The following RPAP3 variants were observed in gnomAD, a reference collection of about 807,000 sequenced individuals.
The protein encoded by RPAP3 is RNA polymerase II-associated protein 3.
In RPAP3, 58 loss-of-function variants were observed where a neutral mutation model predicts 88.8. The ratio of observed to expected loss-of-function variants is 0.65; its 90% CI spans 0.53 to 0.81. The LOEUF (loss-of-function observed/expected upper bound fraction) is 0.81. RPAP3 is among the 40% of genes least tolerant of loss of function. The probability of loss-of-function intolerance (pLI) is 0.00; values close to 1 mark genes in which losing one functional copy is unlikely to be tolerated. For missense variants in RPAP3, 751 were observed against 764.3 expected, an observed-to-expected ratio of 0.98 and a Z score of 0.20; for synonymous variants, 255 against 259.9, an observed-to-expected ratio of 0.98 and a Z score of 0.18.
Position 47,687,995 on chromosome 12 carries a change from C to T in RPAP3, c.745G>A (p.Ala249Thr). The change falls in exon 8 of 17, where the codon GCA becomes ACA. Residue 249 changes from alanine (A) to threonine (T), a missense_variant. Coordinates refer to ENST00000005386, the MANE Select transcript of RPAP3 (RefSeq NM_024604.3). ...TTTGGATATGAGTTTTCTTTGGATG[C>T]TAAAGCCTAGGAGACATAGCAGTCA... ...NELRKISQAL[A>T]SKENSYPKEA... 4 of 1,611,422 alleles carry T rather than the reference C, an allele frequency of 2.5e-6. No individual in the cohort carries two copies. Among genetic ancestry groups the T allele is most frequent in the Non-Finnish European group, 3.4e-6 (4 of 1,178,824 alleles).
intron 16 of RPAP3, among the ~76,000 whole-genome samples, chr12:47,664,203 C>T (rs1045354059): frequency 4.6e-5 from 7 of 152,144 alleles, no homozygotes; most frequent in African/African-American, 1.7e-4. Flanking sequence ...TCCTGGCTAA[C>T]ACGGTGAAAC....
At chr12:47,675,058 AC>A (rs1939082560) in intron 12 of RPAP3, among the ~76,000 whole-genome samples, 1 of 152,172 alleles carries the variant, frequency 6.6e-6, no homozygotes, top group African/African-American at 2.4e-5. Flanking sequence ...CTCAGCAGAA[AC>A]CCTACAAGCC....
At chr12:47,673,439 C>T (rs1185467620) in intron 12 of RPAP3, among the ~76,000 whole-genome samples, 10 of 114,388 alleles carry the variant, frequency 8.7e-5, no homozygotes, top group African/African-American at 2.6e-4. Context: ...AGTGAAACTC[C>T]GTCTCAAAAA....
At chr12:47,702,363 T>C (rs1181676241) in intron 2 of RPAP3, among the ~76,000 whole-genome samples, 5 of 151,522 alleles carry the variant, frequency 3.3e-5, no homozygotes, top group Admixed American at 1.3e-4. Flanking sequence ...CTGGCCAACA[T>C]GATGAGACCC....
intron 10 of RPAP3, among the ~76,000 whole-genome samples, chr12:47,680,524 A>G (rs971883833): frequency 7.9e-5 from 12 of 152,200 alleles, no homozygotes; most frequent in Non-Finnish European, 1.6e-4. Context: ...AGAAACTGCC[A>G]GATTTTAAAT....
At chr12:47,691,587 T>C (rs1443943576) in intron 5 of RPAP3, among the ~76,000 whole-genome samples, 1 of 152,156 alleles carries the variant, frequency 6.6e-6, no homozygotes, top group African/African-American at 2.4e-5. Flanking sequence ...ATTTCTTAAA[T>C]AACAAGAATT....
intron 12 of RPAP3, among the ~76,000 whole-genome samples, chr12:47,675,122 C>T (rs1939083681): frequency 6.6e-6 from 1 of 152,088 alleles, no homozygotes; most frequent in Non-Finnish European, 1.5e-5. Flanking sequence ...AATTTTCAAC[C>T]CAGAATTTCA....
chr12:47,697,189 G>A (rs1343169662), intron 4 of RPAP3, among the ~76,000 whole-genome samples: 3 of 152,162 alleles, frequency 2.0e-5, no homozygotes, highest in East Asian at 1.9e-4. Flanking sequence ...TTTGATACCC[G>A]GGAGTGGAAT....
rs1345676522 is a variant in RPAP3, at chr12:47,695,347, C to T, written c.545+929G>A. Among the ~76,000 whole-genome samples, 4 of 152,138 alleles carry T rather than the reference C, an allele frequency of 2.6e-5. No homozygotes were observed. The East Asian group carries it at 7.7e-4, about 29-fold the overall frequency. ...ACACACAGTATGATATACTTTTAAG[C>T]TCAAAAATAAGCAAGATTATACTAT... On this transcript the variant is annotated intron_variant, in intron 5 of 16. Transcript: ENST00000005386.
At chr12:47,668,598 T>C (rs1418281030) in intron 14 of RPAP3, among the ~76,000 whole-genome samples, 3 of 152,188 alleles carry the variant, frequency 2.0e-5, no homozygotes, top group African/African-American at 7.2e-5. Flanking sequence ...GCCTACATAT[T>C]GCAAGCACTG....
Position 47,702,700 on chromosome 12 carries a change from A to G in RPAP3, c.141T>C (p.Gly47=). The G allele has an allele frequency of 6.3e-7, 1 of 1,587,712 alleles. No individual in the cohort carries two copies. The highest frequency in any genetic ancestry group is 8.6e-7 in the Non-Finnish European group (1 of 1,167,852). Residue 47 remains glycine (G), a synonymous_variant, in exon 2 of 17, where the codon GGT becomes GGC. Transcript: ENST00000005386. The part of the protein sequence containing the change: ...QKDMELRRQN[G]VPEENLPPIR... ...ATTCTTAATTTACCTCTTCAGGAAC[A>G]CCATTCTGTCTTCTTAGTTCCATAT...
chr12:47,670,889 AC>A (rs1473714046), intron 12 of RPAP3, among the ~76,000 whole-genome samples: 3 of 152,212 alleles, frequency 2.0e-5, no homozygotes, highest in African/African-American at 7.2e-5. Flanking sequence ...AGTATTGTGG[AC>A]TAACTGAAGG....
chr12:47,682,575 A>C (rs1385982892), intron 9 of RPAP3, among the ~76,000 whole-genome samples: 1 of 152,184 alleles, frequency 6.6e-6, no homozygotes, highest in Non-Finnish European at 1.5e-5. Flanking sequence ...GAAAATGCTG[A>C]AACAAATATG....
chr12:47,705,640 G>A (rs1592492024), intron 1 of RPAP3, among the ~76,000 whole-genome samples: 1 of 152,226 alleles, frequency 6.6e-6, no homozygotes, highest in African/African-American at 2.4e-5. Context: ...CCGCAAGGGG[G>A]CGGGCCCCAC....
intron 5 of RPAP3, among the ~76,000 whole-genome samples, chr12:47,693,435 G>A (rs1233052): frequency 0.13 from 20,141 of 152,116 alleles, 1,682 homozygotes; most frequent in East Asian, 0.37. Flanking sequence ...TTACCAAAAC[G>A]TGACATAGAG....
At chr12:47,686,758 C>T (rs1321122228) in intron 9 of RPAP3, 22 bp downstream of exon 9, 1 of 1,490,858 alleles carries the variant, frequency 6.7e-7, no homozygotes, top group South Asian at 1.4e-5. Context: ...CTGAACAGCA[C>T]TAAAATGTAA....
chr12:47,681,493 C>G (rs571038081), intron 10 of RPAP3, among the ~76,000 whole-genome samples: 3 of 152,256 alleles, frequency 2.0e-5, no homozygotes, highest in African/African-American at 7.2e-5. Flanking sequence ...CAAAATTAGC[C>G]AGAATGCTAC....
chr12:47,683,076 G>A lies in RPAP3; in HGVS notation c.993-1259C>T, dbSNP rs906203300. On this transcript the variant is annotated intron_variant, in intron 9 of 16. Transcript: ENST00000005386. ...GTACCATCAACCTGCCTACTCCCAC[G>A]TCTTTGAACCTGCACTAGAACACTT... is the stretch of plus-strand genomic sequence containing the variant. Among the ~76,000 whole-genome samples, 5 of 152,042 alleles carry A rather than the reference G, an allele frequency of 3.3e-5. 1 individual carries two copies. Among genetic ancestry groups the A allele is most frequent in the Admixed American group, 2.6e-4 (4 of 15,270 alleles).
chr12:47,699,137 T>TA (rs1939595931), intron 3 of RPAP3, among the ~76,000 whole-genome samples: 1 of 152,146 alleles, frequency 6.6e-6, no homozygotes, highest in South Asian at 2.1e-4. Flanking sequence ...AAATGGGAAT[T>TA]AAACAACCAT....
Sources: gnomAD v4.1 joint callset for allele counts (sites outside exome capture counted in the v4.1 genomes callset) on GRCh38, gnomAD v4.1.1 for gene constraint, MANE v1.5 for transcripts, NCBI Gene and HGNC (gene_info 2026-07-23, HGNC 2026-07-21) for gene names.